Variants in ULK2 observed in about 807,000 individuals in gnomAD.
ULK2 encodes the protein unc-51 like autophagy activating kinase 2, also known as serine/threonine-protein kinase ULK2.
ULK2 carries 76 observed loss-of-function variants against 127.5 expected under a neutral mutation model. That is an observed-to-expected ratio of 0.60 (90% confidence interval 0.50 to 0.72). ULK2 has a LOEUF of 0.72. ULK2 is among the 30% of genes least tolerant of loss of function. The probability of loss-of-function intolerance (pLI) is 0.00; values close to 1 mark genes in which losing one functional copy is unlikely to be tolerated. For missense variants in ULK2, 1,144 were observed against 1,295.9 expected, an observed-to-expected ratio of 0.88 and a Z score of 1.80; for synonymous variants, 452 against 461.9, an observed-to-expected ratio of 0.98 and a Z score of 0.28.
chr17:19,779,083 T>C (rs986904249), intron 25 of ULK2, among the ~76,000 whole-genome samples: 9 of 152,228 alleles, frequency 5.9e-5, no homozygotes, highest in African/African-American at 1.7e-4. Context: ...ATATGATATA[T>C]ACTATTTTTG....
chr17:19,849,211 G>C (rs2041961111), intron 5 of ULK2, among the ~76,000 whole-genome samples, 158 bp downstream of exon 5: 1 of 151,960 alleles, frequency 6.6e-6, no homozygotes, highest in African/African-American at 2.4e-5. Context: ...AACAACAACT[G>C]GTCTGCAAAG....
At chr17:19,792,865 G>A (rs955135376) in intron 20 of ULK2, among the ~76,000 whole-genome samples, 7 of 152,094 alleles carry the variant, frequency 4.6e-5, no homozygotes, top group South Asian at 4.1e-4. Flanking sequence ...AGAAAAACTC[G>A]TATTTCCTGA....
intron 25 of ULK2, 102 bp downstream of exon 25, chr17:19,780,370 A>T: frequency 9.0e-7 from 1 of 1,116,780 alleles, no homozygotes; most frequent in Non-Finnish European, 1.2e-6. Flanking sequence ...TTGGGACTTG[A>T]GACATTATCT....
chr17:19,864,260 G>C (rs928282312), intron 3 of ULK2, among the ~76,000 whole-genome samples: 5 of 152,178 alleles, frequency 3.3e-5, no homozygotes, highest in African/African-American at 1.2e-4. Context: ...TTGAGGTCAG[G>C]AGTTCGAGAC....
intron 13 of ULK2, chr17:19,816,406 C>CT (rs142786793): frequency 0.029 from 4,757 of 161,568 alleles, 234 homozygotes; most frequent in African/African-American, 0.11. Context: ...TTATAACACT[C>CT]TTTTGACTCA....
chr17:19,828,182 G>A (rs2041343345), intron 10 of ULK2, among the ~76,000 whole-genome samples: 1 of 152,142 alleles, frequency 6.6e-6, no homozygotes, highest in Non-Finnish European at 1.5e-5. Context: ...CAAAACTCAG[G>A]AAGAAATTAA....
rs1447474902 is a variant in ULK2 at position 19,843,042 on chromosome 17, T to G, written c.645+79A>C. Reference sequence around the variant, plus strand: ...AGCCAAAAACACTGCTTTCAAAGTATTCTTCATTTTACAAATCAAACGCAA... The same window carrying G: ...AGCCAAAAACACTGCTTTCAAAGTAGTCTTCATTTTACAAATCAAACGCAA... On this transcript the variant is annotated intron_variant, in intron 8 of 26. Transcript: ENST00000395544. 4 of 1,191,886 alleles carry G rather than the reference T, an allele frequency of 3.4e-6. No individual in the cohort carries two copies. The African/African-American group carries it at 6.0e-5, about 18-fold the overall frequency. 73.8% of individuals were successfully genotyped at this position (1,191,886 alleles called of 1,614,324 possible).
chr17:19,850,372 T>C (rs2041986690), intron 3 of ULK2, among the ~76,000 whole-genome samples: 1 of 152,148 alleles, frequency 6.6e-6, no homozygotes. Context: ...TGAGGGCTCT[T>C]AAAAAGTCTC....
chr17:19,840,962 A>G (rs747138390), intron 9 of ULK2, among the ~76,000 whole-genome samples: 117 of 152,186 alleles, frequency 7.7e-4, no homozygotes, highest in Admixed American at 1.0e-3. Context: ...CTACAAAGTA[A>G]AAAACAAAAG....
At chr17:19,864,304 T>C (rs1242140766) in intron 3 of ULK2, among the ~76,000 whole-genome samples, 2 of 151,914 alleles carry the variant, frequency 1.3e-5, no homozygotes, top group East Asian at 1.9e-4. Flanking sequence ...TCCATCTCTA[T>C]GAAAAACACA....
At chr17:19,866,363 G>C (rs539649804) in intron 1 of ULK2, among the ~76,000 whole-genome samples, 343 of 151,722 alleles carry the variant, frequency 2.3e-3, no homozygotes, top group Non-Finnish European at 4.4e-3. Flanking sequence ...AAAAAATTAG[G>C]CGGGCGTGGT....
intron 20 of ULK2, among the ~76,000 whole-genome samples, chr17:19,786,970 A>G (rs1373281601): frequency 1.3e-5 from 2 of 151,726 alleles, no homozygotes; most frequent in Non-Finnish European, 2.9e-5. Context: ...TGTCAGGTCT[A>G]TAGCATATAG....
At chr17:19,819,088 T>C (rs1414642315) in intron 12 of ULK2, among the ~76,000 whole-genome samples, 2 of 152,158 alleles carry the variant, frequency 1.3e-5, no homozygotes, top group Non-Finnish European at 2.9e-5. Context: ...CATGAGCCTA[T>C]AAACAACATA....
intron 12 of ULK2, among the ~76,000 whole-genome samples, chr17:19,821,026 G>C (rs1442982931): frequency 6.6e-6 from 1 of 152,080 alleles, no homozygotes; most frequent in African/African-American, 2.4e-5. Flanking sequence ...GAATAAATAG[G>C]CCAGGCGAGG....
intron 3 of ULK2, among the ~76,000 whole-genome samples, chr17:19,861,459 G>A (rs570252547): frequency 1.3e-5 from 2 of 152,224 alleles, no homozygotes; most frequent in African/African-American, 4.8e-5. Context: ...GCAGGAGAAT[G>A]GCGTGAACCC....
At position 19,846,914 on chromosome 17, in the gene ULK2, G is replaced by T. The variant is rs370283524; in HGVS notation, c.296-4C>A. On this transcript the variant is annotated splice_region_variant and splice_polypyrimidine_tract_variant and intron_variant, in intron 5 of 26. Coordinates refer to ENST00000395544, the MANE Select transcript of ULK2 (RefSeq NM_014683.4). ...TCTTCACTGAGAGTCCCTTTCGCTG[G>T]TACAAAAGGAGTCACGTAAATATTT... 1 of 1,600,504 alleles carries T rather than the reference G, an allele frequency of 6.2e-7. No individual in the cohort carries two copies. Among genetic ancestry groups the T allele is most frequent in the Admixed American group, 1.7e-5 (1 of 57,676 alleles).
At chr17:19,806,657 G>C (rs887372900) in intron 14 of ULK2, among the ~76,000 whole-genome samples, 1 of 152,160 alleles carries the variant, frequency 6.6e-6, no homozygotes, top group Non-Finnish European at 1.5e-5. Context: ...CCATTTTCCT[G>C]TACAACTTAA....
chr17:19,857,738 T>C (rs2152401917), intron 3 of ULK2, among the ~76,000 whole-genome samples: 1 of 152,298 alleles, frequency 6.6e-6, no homozygotes, highest in African/African-American at 2.4e-5. Flanking sequence ...CTCTCCTGCT[T>C]TTAAAACTCT....
At chr17:19,782,207 A>G in intron 22 of ULK2, 140 bp from the exon 23 acceptor site, 1 of 959,836 alleles carries the variant, frequency 1.0e-6, no homozygotes, top group Non-Finnish European at 1.5e-6. Context: ...GAAATTTTTA[A>G]ATTTCAGAAA....
Sources: gnomAD v4.1 joint callset for allele counts (sites outside exome capture counted in the v4.1 genomes callset) on GRCh38, gnomAD v4.1.1 for gene constraint, MANE v1.5 for transcripts, NCBI Gene and HGNC (gene_info 2026-07-23, HGNC 2026-07-21) for gene names.